NBPF11: variants seen among roughly 807,000 people sequenced by gnomAD.
NBPF11 encodes NBPF family member NBPF11.
Under a neutral mutation model 93.9 loss-of-function variants are expected in NBPF11, and 72 were observed. The observed-to-expected ratio is 0.77, with a 90% CI of 0.63 to 0.93. The LOEUF is 0.93. Among genes scored for constraint, NBPF11 ranks in the 40% least tolerant of loss-of-function variants. The pLI is 0.00. For synonymous variants in NBPF11, 224 were observed against 304.9 expected (o/e 0.73, Z 2.76); for missense variants, 705 against 802.2 (o/e 0.88, Z 1.46).
At chr1:148,110,146 T>A (rs1182147229) in intron 16 of NBPF11, among the ~76,000 whole-genome samples, 1 of 151,920 alleles carries the variant, frequency 6.6e-6, no homozygotes, top group African/African-American at 2.4e-5. Flanking sequence ...TGACAGTCAG[T>A]CCAGGTTGGC....
chr1:148,146,317 C>T, intron 1 of NBPF11: 1 of 1,382,408 alleles, frequency 7.2e-7, no homozygotes, highest in Non-Finnish European at 9.3e-7. Flanking sequence ...GAGCACCCCA[C>T]CCCTCCCCTG....
chr1:148,129,215 C>G (rs2896834), intron 4 of NBPF11, among the ~76,000 whole-genome samples: 1 of 142,710 alleles, frequency 7.0e-6, no homozygotes, highest in African/African-American at 2.6e-5. Flanking sequence ...TATACACACA[C>G]GAATATATAT....
intron 1 of NBPF11, among the ~76,000 whole-genome samples, chr1:148,148,707 A>G (rs1362040591): frequency 6.6e-6 from 1 of 151,988 alleles, no homozygotes; most frequent in Non-Finnish European, 1.5e-5. Flanking sequence ...GGGGTGGGCA[A>G]GGGCTGCAGG....
intron 10 of NBPF11, among the ~76,000 whole-genome samples, chr1:148,119,468 C>T (rs1196614263): frequency 6.6e-6 from 1 of 151,866 alleles, no homozygotes; most frequent in Non-Finnish European, 1.5e-5. Context: ...AACTGAGGGA[C>T]AGAGAAGACA....
chr1:148,144,030 C>A (rs2149299224), intron 1 of NBPF11, among the ~76,000 whole-genome samples: 1 of 151,644 alleles, frequency 6.6e-6, no homozygotes, highest in East Asian at 1.9e-4. Flanking sequence ...GCACTCCAGC[C>A]TGGGGGGAAA....
intron 7 of NBPF11, 79 bp from the exon 8 acceptor site, chr1:148,122,880 A>T (rs1479270222): frequency 1.2e-6 from 2 of 1,604,888 alleles, no homozygotes; most frequent in Non-Finnish European, 1.7e-6. Context: ...GCACAGAGAC[A>T]TGAATATCTA....
At chr1:148,146,406 G>T in intron 1 of NBPF11, 1 of 1,601,388 alleles carries the variant, frequency 6.2e-7, no homozygotes, top group Non-Finnish European at 8.5e-7. Context: ...TGAACGGGCT[G>T]TCGCTGAGTG....
intron 8 of NBPF11, among the ~76,000 whole-genome samples, chr1:148,122,473 G>C (rs1164681929): frequency 6.6e-6 from 1 of 152,078 alleles, no homozygotes; most frequent in Non-Finnish European, 1.5e-5. Flanking sequence ...AGAGCAGCTG[G>C]TGTTCAGTGC....
chr1:148,132,637 C>G (rs1421472583), intron 4 of NBPF11, among the ~76,000 whole-genome samples: 1 of 146,802 alleles, frequency 6.8e-6, no homozygotes, highest in Non-Finnish European at 1.5e-5. Flanking sequence ...GTTTATCTCC[C>G]CACTAATTTA....
chr1:148,113,376 C>T (rs1182767194), intron 15 of NBPF11, among the ~76,000 whole-genome samples: 3 of 151,638 alleles, frequency 2.0e-5, no homozygotes, highest in Admixed American at 2.0e-4. Flanking sequence ...ACAAAGAAGG[C>T]CACTACATAA....
At chr1:148,120,909 A>T (rs1667673822) in intron 9 of NBPF11, among the ~76,000 whole-genome samples, 199 bp from the exon 10 acceptor site, 1 of 152,022 alleles carries the variant, frequency 6.6e-6, no homozygotes, top group Admixed American at 6.5e-5. Context: ...TGAAACCAAG[A>T]CATAAACACT....
At chr1:148,118,321 A>C in intron 11 of NBPF11, among the ~76,000 whole-genome samples, 1 of 151,964 alleles carries the variant, frequency 6.6e-6, no homozygotes, top group Admixed American at 6.5e-5. Flanking sequence ...CACCATTTTG[A>C]GTATACTGAA....
intron 4 of NBPF11, among the ~76,000 whole-genome samples, chr1:148,132,579 CGAA>C (rs1290673893): frequency 6.7e-6 from 1 of 149,634 alleles, no homozygotes; most frequent in African/African-American, 2.5e-5. Context: ...GATCAATTTA[CGAA>C]GAACTGACTC....
chr1:148,106,106 G>C lies in NBPF11; in HGVS notation c.2303+75C>G, dbSNP rs1663538620. 4.9e-6 allele frequency: 3 copies of C among 615,306 alleles called. No homozygotes were observed. The Admixed American group carries it at 8.9e-5, about 18-fold the overall frequency. The allele number at this position is 615,306 out of a possible 1,614,324, so 38.1% of individuals were successfully genotyped here. On this transcript the variant is annotated intron_variant, in intron 21 of 23. Transcript: ENST00000682118. Reference sequence around the variant, plus strand: ...TGAAAAGATGTAATCGATAATGTCAGCCCGCTCTGTTTTCCCTGAACCAGG... The same window carrying C: ...TGAAAAGATGTAATCGATAATGTCACCCCGCTCTGTTTTCCCTGAACCAGG...
chr1:148,149,246 T>C, intron 1 of NBPF11: 2 of 1,592,170 alleles, frequency 1.3e-6, no homozygotes, highest in Non-Finnish European at 1.7e-6. Flanking sequence ...GCGCTACGAG[T>C]GTGCCGCGGT....
At chr1:148,113,266 T>G (rs1193841054) in intron 15 of NBPF11, among the ~76,000 whole-genome samples, 1 of 151,796 alleles carries the variant, frequency 6.6e-6, no homozygotes, top group Non-Finnish European at 1.5e-5. Flanking sequence ...AATAAAGGGA[T>G]GGAGGAAGAT....
chr1:148,124,631 C>A (rs1303152639), intron 6 of NBPF11, among the ~76,000 whole-genome samples: 9 of 151,616 alleles, frequency 5.9e-5, no homozygotes, highest in East Asian at 5.8e-4. Flanking sequence ...TGGGTGGTTC[C>A]CACTCCTTTG....
At chr1:148,146,823 C>T in intron 1 of NBPF11, 1 of 1,613,760 alleles carries the variant, frequency 6.2e-7, no homozygotes, top group Non-Finnish European at 8.5e-7. Flanking sequence ...GCAACATCTT[C>T]ACCTACGACT....
At chr1:148,147,472 C>T (rs1383799822) in intron 1 of NBPF11, among the ~76,000 whole-genome samples, 7 of 152,160 alleles carry the variant, frequency 4.6e-5, no homozygotes, top group South Asian at 2.1e-4. Context: ...TAGTCATCCA[C>T]GTCCCCAGCC....
Sources: gnomAD v4.1 joint callset for allele counts (sites outside exome capture counted in the v4.1 genomes callset) on GRCh38, gnomAD v4.1.1 for gene constraint, MANE v1.5 for transcripts, NCBI Gene and HGNC (gene_info 2026-07-23, HGNC 2026-07-21) for gene names.